The following GRID1 variants were observed in gnomAD, a reference collection of about 807,000 sequenced individuals.
GRID1 encodes the protein glutamate receptor ionotropic, delta-1.
A neutral mutation model predicts 98.0 loss-of-function variants in GRID1; 28 were observed. That is an observed-to-expected ratio of 0.29 (90% confidence interval 0.21 to 0.39). The LOEUF is 0.39. Ranked by LOEUF, GRID1 falls within the 10% of genes least tolerant of loss-of-function variation. The probability of loss-of-function intolerance (pLI) is 1.00; values close to 1 mark genes in which losing one functional copy is unlikely to be tolerated. For synonymous variants in GRID1, 553 were observed against 538.5 expected (o/e 1.03, Z -0.37); for missense variants, 1,111 against 1,340.5 (o/e 0.83, Z 2.67).
intron 8 of GRID1, among the ~76,000 whole-genome samples, chr10:85,824,007 T>C (rs1842796350): frequency 6.6e-6 from 1 of 152,006 alleles, no homozygotes; most frequent in Non-Finnish European, 1.5e-5. Context: ...CAGAGAAAAG[T>C]AGAAAGGACT....
Position 85,856,079 on chromosome 10 carries a change from A to G in GRID1, c.1063T>C (p.Ser355Pro). Residue 355 changes from serine (S) to proline (P), a missense_variant, in exon 7 of 16, where the codon TCC becomes CCC. Physicochemically the swap from Ser to Pro is moderately conservative, Grantham distance 74. Around this residue, in one of 3 missense-constraint regions of GRID1, gnomAD observed 762 missense variants for 869.1 expected, o/e 0.88. Coordinates refer to ENST00000327946, the MANE Select transcript of GRID1 (RefSeq NM_017551.3). ...SMASLNCIRK[S>P]TKPWNGGRSM... ...CTCCCACCATTCCATGGCTTAGTGGATTTCCGTATGCAGTTGAGGCTCGCC... is the reference window on the plus strand; with the variant it reads ...CTCCCACCATTCCATGGCTTAGTGGGTTTCCGTATGCAGTTGAGGCTCGCC... The G allele has an allele frequency of 6.2e-7, 1 of 1,614,116 alleles. No individual in the cohort carries two copies.
chr10:85,638,965 T>C (rs920351404), intron 13 of GRID1, among the ~76,000 whole-genome samples: 1 of 152,190 alleles, frequency 6.6e-6, no homozygotes, highest in African/African-American at 2.4e-5. Context: ...AACTGAGACT[T>C]ACAAGTATAT....
intron 4 of GRID1, among the ~76,000 whole-genome samples, chr10:85,933,298 A>C (rs1474661356): frequency 2.1e-5 from 3 of 145,160 alleles, no homozygotes; most frequent in East Asian, 2.0e-4. Context: ...AAAAAAAAAA[A>C]AAAAAAAAAA....
chr10:86,321,582 A>G (rs971797613), intron 2 of GRID1, among the ~76,000 whole-genome samples: 1 of 152,154 alleles, frequency 6.6e-6, no homozygotes, highest in Non-Finnish European at 1.5e-5. Context: ...GGCAAAGCAT[A>G]TCCGGGAGAG....
At chr10:85,682,486 T>C (rs1490468982) in intron 12 of GRID1, among the ~76,000 whole-genome samples, 1 of 152,190 alleles carries the variant, frequency 6.6e-6, no homozygotes, top group African/African-American at 2.4e-5. Context: ...TGTGGTGTCA[T>C]TACTCCCACC....
At chr10:85,865,904 C>CATATAT (rs1467791476) in intron 6 of GRID1, among the ~76,000 whole-genome samples, 63 of 52,394 alleles carry the variant, frequency 1.2e-3, no homozygotes, top group African/African-American at 5.1e-3. Flanking sequence ...AAGTGTTTTA[C>CATATAT]ATATATACAT....
chr10:86,035,861 G>A (rs564460229), intron 4 of GRID1, among the ~76,000 whole-genome samples: 2 of 152,176 alleles, frequency 1.3e-5, no homozygotes, highest in South Asian at 4.1e-4. Context: ...TGCTTTAAGA[G>A]AATAAAATAG....
intron 4 of GRID1, among the ~76,000 whole-genome samples, chr10:86,087,296 G>T (rs894072481): frequency 6.6e-6 from 1 of 151,778 alleles, no homozygotes. Context: ...TAATATGTTA[G>T]TATGCCAGTA....
chr10:86,027,957 G>C (rs1843136375), intron 4 of GRID1, among the ~76,000 whole-genome samples: 1 of 152,158 alleles, frequency 6.6e-6, no homozygotes, highest in South Asian at 2.1e-4. Flanking sequence ...GCTGTGTGCT[G>C]GCTCCTTTAT....
intron 3 of GRID1, among the ~76,000 whole-genome samples, chr10:86,158,005 T>C (rs781004068): frequency 6.6e-6 from 1 of 152,112 alleles, no homozygotes; most frequent in Non-Finnish European, 1.5e-5. Flanking sequence ...ATCAAGAGGA[T>C]TTTCATAAAC....
At chr10:85,886,200 G>A (rs1040821269) in intron 5 of GRID1, among the ~76,000 whole-genome samples, 27 of 152,210 alleles carry the variant, frequency 1.8e-4, no homozygotes, top group Non-Finnish European at 2.8e-4. Flanking sequence ...ATCCTAAGAA[G>A]AAGACCTAGA....
chr10:85,702,998 T>C (rs1841470305), intron 12 of GRID1, among the ~76,000 whole-genome samples: 1 of 142,806 alleles, frequency 7.0e-6, no homozygotes, highest in South Asian at 2.2e-4. Flanking sequence ...AATAAGGAGA[T>C]GAAGAAAAGA....
At chr10:85,720,450 A>G (rs1007731806) in intron 12 of GRID1, among the ~76,000 whole-genome samples, 4 of 152,184 alleles carry the variant, frequency 2.6e-5, no homozygotes, top group Admixed American at 6.5e-5. Context: ...TGTAATCATG[A>G]TAGTATGGTG....
intron 2 of GRID1, among the ~76,000 whole-genome samples, chr10:86,295,130 G>T (rs975240778): frequency 6.6e-6 from 1 of 152,172 alleles, no homozygotes; most frequent in African/African-American, 2.4e-5. Flanking sequence ...CATACAGAAC[G>T]GCCTTTTCAA....
At chr10:85,774,167 G>A (rs920672097) in intron 8 of GRID1, among the ~76,000 whole-genome samples, 1 of 152,088 alleles carries the variant, frequency 6.6e-6, no homozygotes, top group African/African-American at 2.4e-5. Context: ...CAGAAATAAC[G>A]CCGCATATCT....
At chr10:85,912,784 G>A (rs1841558581) in intron 5 of GRID1, among the ~76,000 whole-genome samples, 1 of 152,196 alleles carries the variant, frequency 6.6e-6, no homozygotes, top group Non-Finnish European at 1.5e-5. Flanking sequence ...GCCAGTAAAT[G>A]CCTGCCCCTG....
intron 2 of GRID1, among the ~76,000 whole-genome samples, chr10:86,286,301 G>T (rs1337945977): frequency 6.6e-6 from 1 of 152,166 alleles, no homozygotes; most frequent in Non-Finnish European, 1.5e-5. Flanking sequence ...GACCAACCCA[G>T]CACTGACCTG....
At chr10:86,181,838 TTC>T (rs1216929000) in intron 3 of GRID1, among the ~76,000 whole-genome samples, 1 of 152,174 alleles carries the variant, frequency 6.6e-6, no homozygotes, top group Non-Finnish European at 1.5e-5. Context: ...TAGTTATTTA[TTC>T]TCTGTCTCCT....
intron 2 of GRID1, among the ~76,000 whole-genome samples, chr10:86,303,398 G>C (rs771930402): frequency 6.6e-6 from 1 of 152,156 alleles, no homozygotes; most frequent in Non-Finnish European, 1.5e-5. Context: ...TCTGAACAAA[G>C]AGTGGAGCAC....
Sources: gnomAD v4.1 joint callset for allele counts (sites outside exome capture counted in the v4.1 genomes callset) on GRCh38, gnomAD v4.1.1 for gene constraint, gnomAD v4.1.1 regional missense constraint, MANE v1.5 for transcripts, NCBI Gene and HGNC (gene_info 2026-07-23, HGNC 2026-07-21) for gene names.